ARHGEF2: variants seen among roughly 807,000 people sequenced by gnomAD.
The protein encoded by ARHGEF2 is Rho/Rac guanine nucleotide exchange factor 2.
Under a neutral mutation model 121.0 loss-of-function variants are expected in ARHGEF2, and 22 were observed. That is an observed-to-expected ratio of 0.18 (90% CI 0.13 to 0.26). The LOEUF (loss-of-function observed/expected upper bound fraction) is 0.26. Ranked by LOEUF, ARHGEF2 falls within the 10% of genes least tolerant of loss-of-function variation. The pLI is 1.00. For missense variants in ARHGEF2, 907 were observed against 1,336.0 expected, an observed-to-expected ratio of 0.68 and a Z score of 5.01; for synonymous variants, 487 against 530.0, an observed-to-expected ratio of 0.92 and a Z score of 1.11.
intron 13 of ARHGEF2, among the ~76,000 whole-genome samples, chr1:155,955,671 C>T (rs981925033): frequency 6.6e-6 from 1 of 152,134 alleles, no homozygotes; most frequent in African/African-American, 2.4e-5. Context: ...TTGAACATAA[C>T]AGAAGCTCAA....
rs1239637197 is a variant in ARHGEF2 at position 155,961,753 on chromosome 1, C to G, written c.1376G>C (p.Gly459Ala). 1.2e-6 allele frequency: 2 copies of G among 1,614,102 alleles called. No individual in the cohort carries two copies. The highest frequency in any genetic ancestry group is 1.7e-6 in the Non-Finnish European group (2 of 1,180,038). The change falls in exon 11 of 22, where the codon GGC becomes GCC. Residue 459 changes from glycine (G) to alanine (A), a missense_variant. This residue lies in a region of ARHGEF2 where 475 missense variants were observed against 776.5 expected (regional missense o/e 0.61). Coordinates refer to ENST00000361247, the MANE Select transcript of ARHGEF2 (RefSeq NM_001162383.2). This position sits in a 1 kb window ranked among gnomAD's most constrained non-coding sequence, Gnocchi z 4.7. ...TTCCTCTCGGCCAAAGGGGCCCTTG[C>G]CAGGCACTGGGGTTTGGGCCCGAGG... ...MDPRAQTPVP[G>A]KGPFGREELL...
intron 1 of ARHGEF2, among the ~76,000 whole-genome samples, chr1:155,975,882 A>C (rs568823941): frequency 1.3e-5 from 2 of 152,268 alleles, no homozygotes; most frequent in East Asian, 3.9e-4. Context: ...AAAGAGAGAA[A>C]GGGGACCTGT....
rs1674552426 is a variant in ARHGEF2 at position 155,947,199 on chromosome 1, C to T, written c.*743G>A. ...GATAGGAGGCTTCGATCTCTAATTG[C>T]CTACGATCTCTTAAAAATATAAAAC... On this transcript the variant is annotated 3_prime_UTR_variant, in exon 22 of 22. Transcript: ENST00000361247. 2 of 368,362 alleles carry T rather than the reference C, an allele frequency of 5.4e-6. No homozygotes were observed. The highest frequency in any genetic ancestry group is 4.1e-5 in the South Asian group (2 of 48,946). 22.8% of individuals were successfully genotyped at this position (368,362 alleles called of 1,614,324 possible).
At chr1:155,969,453 G>A in intron 1 of ARHGEF2, 153 bp from the exon 2 acceptor site, 1 of 1,460,186 alleles carries the variant, frequency 6.8e-7, no homozygotes, top group South Asian at 1.4e-5. Context: ...CTGCAACTGG[G>A]TGTCAGAGGC....
In ARHGEF2 at chr1:155,966,995, CT is replaced by C. The variant is rs1572162097; in HGVS notation, c.209-109del. 9 of 1,053,100 alleles carry C rather than the reference CT, an allele frequency of 8.5e-6. No homozygotes were observed. In the East Asian group the frequency reaches 2.2e-4, roughly 26 times the overall value. The allele number at this position is 1,053,100 out of a possible 1,614,324, so 65.2% of individuals were successfully genotyped here. ...CCTGGCCACACAGTCCTCGGGGACT[CT>C]CCCCCCTTCCCCGACTTCTGGGCCA... On this transcript the variant is annotated intron_variant, in intron 2 of 21. Coordinates refer to ENST00000361247, the MANE Select transcript of ARHGEF2 (RefSeq NM_001162383.2).
chr1:155,961,824 C>G lies in ARHGEF2; in HGVS notation c.1305G>C (p.Gln435His). The G allele has an allele frequency of 1.9e-6, 3 of 1,614,224 alleles. No homozygotes were observed. The highest frequency in any genetic ancestry group is 1.7e-6 in the Non-Finnish European group (2 of 1,180,040). ...LLSNVDEGIY[Q>H]LEKGARLQEI... ...CCTGCAGACGGGCCCCTTTCTCCAG[C>G]TGATAAATACCCTCGTCCACATTGG... The change falls in exon 11 of 22, where the codon CAG becomes CAC. Residue 435 changes from glutamine (Q) to histidine (H), a missense_variant. Physicochemically the swap from Gln to His is conservative, Grantham distance 24. Coordinates refer to ENST00000361247, the MANE Select transcript of ARHGEF2 (RefSeq NM_001162383.2). This position sits in a 1 kb window ranked among gnomAD's most constrained non-coding sequence, Gnocchi z 4.7.
intron 7 of ARHGEF2, among the ~76,000 whole-genome samples, chr1:155,964,167 A>AAAAAATATATATATATATATAT (rs1553244640): frequency 1.1e-5 from 1 of 91,240 alleles, no homozygotes; most frequent in African/African-American, 6.1e-5. Flanking sequence ...AAAAAAAAAA[A>AAAAAATATATATATATATATAT]ATATATATAT....
chr1:155,954,323 G>C (rs558052193), intron 14 of ARHGEF2, among the ~76,000 whole-genome samples: 67 of 110,878 alleles, frequency 6.0e-4, no homozygotes, highest in African/African-American at 2.1e-3. Flanking sequence ...TCCCTCTGTT[G>C]CCCAGGCTGG....
intron 2 of ARHGEF2, 84 bp downstream of exon 2, chr1:155,969,072 T>A (rs1679984301): frequency 3.2e-6 from 5 of 1,545,392 alleles, no homozygotes; most frequent in Non-Finnish European, 3.5e-6. Context: ...GTGACCCTCA[T>A]GGATCCAGGC....
chr1:155,963,976 C>T (rs952974015), intron 7 of ARHGEF2, among the ~76,000 whole-genome samples: 5 of 150,492 alleles, frequency 3.3e-5, no homozygotes, highest in Non-Finnish European at 7.4e-5. Flanking sequence ...GAAACCCTGT[C>T]TCTACTAAAA....
In ARHGEF2 at chr1:155,957,866, A is replaced by G. The variant is rs1233111734; in HGVS notation, c.1562T>C (p.Val521Ala). The G allele has an allele frequency of 6.2e-7, 1 of 1,613,846 alleles. No individual in the cohort carries two copies. The highest frequency in any genetic ancestry group is 2.2e-5 in the East Asian group (1 of 44,872). ...IFPTLDKPSV[V>A]SLQNLIVRDI... is the part of the protein sequence containing the mutation. Reference sequence around the variant, plus strand: ...TCGTACGATTAGATTCTGCAGCGATACCACTGAAGGCTTGTCCTGCCAGTC... The same window carrying G: ...TCGTACGATTAGATTCTGCAGCGATGCCACTGAAGGCTTGTCCTGCCAGTC... The change falls in exon 13 of 22, where the codon GTA (valine) becomes GCA (alanine). Residue 521 changes from valine (V) to alanine (A), a missense_variant. Val to Ala is a moderately conservative substitution (Grantham distance 64). Around this residue, in one of 2 missense-constraint regions of ARHGEF2, gnomAD observed 475 missense variants for 776.5 expected, o/e 0.61. Coordinates refer to ENST00000361247, the MANE Select transcript of ARHGEF2 (RefSeq NM_001162383.2).
chr1:155,963,335 C>G, intron 7 of ARHGEF2, 152 bp from the exon 8 acceptor site: 1 of 459,980 alleles, frequency 2.2e-6, no homozygotes, highest in Non-Finnish European at 3.8e-6. Context: ...CTTTTCTAAT[C>G]ATTTTTATCT....
intron 1 of ARHGEF2, among the ~76,000 whole-genome samples, chr1:155,976,861 G>T (rs1433069070): frequency 6.6e-6 from 1 of 151,780 alleles, no homozygotes; most frequent in Non-Finnish European, 1.5e-5. Flanking sequence ...ACCTCACCCC[G>T]GCCCTCTGTT....
At chr1:155,955,084 T>A in intron 13 of ARHGEF2, 115 bp from the exon 14 acceptor site, 1 of 785,932 alleles carries the variant, frequency 1.3e-6, no homozygotes, top group Non-Finnish European at 2.1e-6. Context: ...ATAAGACTCC[T>A]CAGCCTCACA....
chr1:155,962,752 T>C lies in ARHGEF2; in HGVS notation c.976-34A>G, dbSNP rs1572129537. On this transcript the variant is annotated intron_variant, in intron 8 of 21. Coordinates refer to ENST00000361247, the MANE Select transcript of ARHGEF2 (RefSeq NM_001162383.2). The surrounding 1 kb of genome is among the most constrained non-coding windows in gnomAD (Gnocchi z 5.8). ...TGGTCGAGTAAGGTTAGGTCAGCAT[T>C]CCCCCAAAGCCACACTTTACCCACT... 2 of 1,613,172 alleles carry C rather than the reference T, an allele frequency of 1.2e-6. No homozygotes were observed. The highest frequency in any genetic ancestry group is 2.2e-5 in the East Asian group (1 of 44,872).
intron 1 of ARHGEF2, among the ~76,000 whole-genome samples, chr1:155,972,712 T>A (rs1680686106): frequency 6.6e-6 from 1 of 151,632 alleles, no homozygotes; most frequent in South Asian, 2.1e-4. Context: ...TTTTTTCTTT[T>A]TTTTTTTGAG....
chr1:155,953,373 A>G (rs1198178016), intron 14 of ARHGEF2, among the ~76,000 whole-genome samples: 1 of 152,186 alleles, frequency 6.6e-6, no homozygotes, highest in Non-Finnish European at 1.5e-5. Context: ...ATCTGGGCAC[A>G]CATGGCTGCC....
rs913543858 is a variant in ARHGEF2 at position 155,961,495 on chromosome 1, C to T, written c.1468+166G>A. ...TTCACTGTGTTAGCCAGGATGGTCT[C>T]AATCTCCTGACCTCGTGATCCGCCC... On this transcript the variant is annotated intron_variant, in intron 11 of 21. Transcript: ENST00000361247. The surrounding 1 kb of genome is among the most constrained non-coding windows in gnomAD (Gnocchi z 4.7). Among the ~76,000 whole-genome samples the T allele has an allele frequency of 1.3e-5, 2 of 152,144 alleles. No homozygotes were observed. Among genetic ancestry groups the T allele is most frequent in the East Asian group, 3.9e-4 (2 of 5,190 alleles).
At chr1:155,952,383 G>C (rs942365343) in intron 15 of ARHGEF2, 148 bp from the exon 16 acceptor site, 3 of 1,201,518 alleles carry the variant, frequency 2.5e-6, no homozygotes, top group South Asian at 1.5e-5. Context: ...CACTGATGAG[G>C]TAAAGGGCAG....
Sources: allele counts gnomAD v4.1 joint callset (sites outside exome capture counted in the v4.1 genomes callset), GRCh38; gene constraint gnomAD v4.1.1; regional missense constraint gnomAD v4.1.1; non-coding constraint Gnocchi (gnomAD v3.1); transcripts MANE v1.5; gene names NCBI Gene and HGNC (gene_info 2026-07-23, HGNC 2026-07-21).